The following CREB3L2 variants were observed in gnomAD, a reference collection of about 807,000 sequenced individuals.
CREB3L2 encodes the protein cAMP responsive element binding protein 3 like 2.
Under a neutral mutation model 57.2 loss-of-function variants are expected in CREB3L2, and 23 were observed. The ratio of observed to expected loss-of-function variants is 0.40; its 90% CI spans 0.29 to 0.57. The LOEUF (loss-of-function observed/expected upper bound fraction) is 0.57. CREB3L2 is among the 20% of genes least tolerant of loss of function. The probability of loss-of-function intolerance (pLI) is 0.42; values close to 1 mark genes in which losing one functional copy is unlikely to be tolerated. For synonymous variants in CREB3L2, 268 were observed against 265.1 expected, an observed-to-expected ratio of 1.01 and a Z score of -0.11; for missense variants, 628 against 634.7, an observed-to-expected ratio of 0.99 and a Z score of 0.11.
intron 1 of CREB3L2, chr7:137,956,556 A>G: frequency 7.9e-7 from 1 of 1,262,924 alleles, no homozygotes; most frequent in Non-Finnish European, 1.0e-6. Flanking sequence ...TCAAACTGCC[A>G]TTGCACTCTC....
intron 1 of CREB3L2, among the ~76,000 whole-genome samples, chr7:137,939,414 G>C (rs894486925): frequency 6.6e-6 from 1 of 152,106 alleles, no homozygotes; most frequent in Non-Finnish European, 1.5e-5. Context: ...AATGCTTTTT[G>C]AATTGTAACT....
chr7:137,906,266 G>A (rs1201241900), intron 5 of CREB3L2, among the ~76,000 whole-genome samples: 1 of 152,054 alleles, frequency 6.6e-6, no homozygotes, highest in Non-Finnish European at 1.5e-5. Flanking sequence ...AGTTTTATAA[G>A]GTGCTCTCTA....
intron 4 of CREB3L2, among the ~76,000 whole-genome samples, chr7:137,910,294 A>G (rs1214836903): frequency 1.3e-5 from 2 of 151,432 alleles, no homozygotes; most frequent in Non-Finnish European, 2.9e-5. Flanking sequence ...TTTCTGCCAC[A>G]TACAGCTTTT....
intron 2 of CREB3L2, among the ~76,000 whole-genome samples, chr7:137,917,171 C>T (rs919142175): frequency 6.6e-6 from 1 of 152,164 alleles, no homozygotes; most frequent in Admixed American, 6.5e-5. Flanking sequence ...TATCACCAGG[C>T]CTGGAGATAG....
intron 1 of CREB3L2, among the ~76,000 whole-genome samples, chr7:137,942,189 C>T (rs1278522846): frequency 6.6e-6 from 1 of 152,210 alleles, no homozygotes; most frequent in African/African-American, 2.4e-5. Context: ...TTTAGGCAAA[C>T]TTCTCATTCA....
chr7:137,989,377 T>C (rs1006715104), intron 1 of CREB3L2, among the ~76,000 whole-genome samples: 1 of 151,340 alleles, frequency 6.6e-6, no homozygotes, highest in African/African-American at 2.4e-5. Flanking sequence ...GACCACTCTG[T>C]AGCGACTCTC....
intron 1 of CREB3L2, among the ~76,000 whole-genome samples, chr7:137,949,728 C>T (rs1230028756): frequency 6.6e-6 from 1 of 152,168 alleles, no homozygotes; most frequent in Non-Finnish European, 1.5e-5. Context: ...GTGTTTCTCA[C>T]ACCAGGGAAA....
intron 2 of CREB3L2, among the ~76,000 whole-genome samples, chr7:137,927,713 G>T (rs143135358): frequency 7.2e-5 from 11 of 151,932 alleles, no homozygotes; most frequent in Non-Finnish European, 1.6e-4. Flanking sequence ...GGGGGACATG[G>T]GGTCAATAGA....
rs573871783 is a variant in CREB3L2 at position 137,927,404 on chromosome 7, A to AGGG, written c.319+745_319+746insCCC. ...AAGGAAGGGAGGGAAGGAGGGAAGG[A>AGGG]AGGGAAGGGAAGGGAAGCAAGGGAG... On this transcript the variant is annotated intron_variant, in intron 2 of 11. Coordinates refer to ENST00000330387, the MANE Select transcript of CREB3L2 (RefSeq NM_194071.4). 4.4e-3 allele frequency among the ~76,000 whole-genome samples: 542 copies of AGGG among 124,580 alleles called. 6 individuals carry two copies. Among genetic ancestry groups the AGGG allele is most frequent in the African/African-American group, 0.021 (501 of 24,258 alleles). 81.7% of individuals were successfully genotyped at this position (124,580 alleles called of 152,430 possible).
intron 10 of CREB3L2, chr7:137,884,267 G>A (rs1393638269): frequency 1.0e-5 from 1 of 95,320 alleles, no homozygotes; most frequent in East Asian, 3.1e-4. Flanking sequence ...TTTTTTTTTT[G>A]ATGGAGTCTC....
rs115655218 is a variant in CREB3L2, at chr7:137,916,012, T to G, written c.320A>C (p.Asp107Ala). Residue 107 changes from aspartate (D) to alanine (A), a missense_variant and splice_region_variant, in exon 3 of 12, where the codon GAT becomes GCT. By Grantham distance (126) the Asp-to-Ala change is moderately radical (BLOSUM62 -2). This residue lies in a region of CREB3L2 where 339 missense variants were observed against 355.4 expected (regional missense o/e 0.95). Transcript: ENST00000330387. ...GTACCATTTCTCACTTTCCACCTCA[T>G]CTGCAGGAAAAAAGACAAGCACACA... ...HITTSDSFNDDEVESEKWYLS... is the reference protein window; with the variant it reads ...HITTSDSFNDAEVESEKWYLS... 1 of 1,609,764 alleles carries G rather than the reference T, an allele frequency of 6.2e-7. No individual in the cohort carries two copies.
intron 8 of CREB3L2, among the ~76,000 whole-genome samples, chr7:137,899,096 AGAAGGAAGGAAG>A (rs200596273): frequency 0.14 from 11,580 of 83,774 alleles, 1,200 homozygotes; most frequent in Non-Finnish European, 0.16. Flanking sequence ...AAAAGGAAAG[AGAAGGAAGGAAG>A]GAAGGAAGGA....
intron 5 of CREB3L2, 79 bp downstream of exon 5, chr7:137,908,173 G>A: frequency 9.9e-7 from 1 of 1,006,754 alleles, no homozygotes; most frequent in Non-Finnish European, 1.3e-6. Context: ...AGCCTTGAGT[G>A]GTCCTGCTCT....
At chr7:137,916,095 C>A in intron 2 of CREB3L2, 83 bp from the exon 3 acceptor site, 1 of 1,104,876 alleles carries the variant, frequency 9.1e-7, no homozygotes, top group Non-Finnish European at 1.3e-6. Flanking sequence ...AGTCTTTCTC[C>A]CCAAAAAAGC....
intron 3 of CREB3L2, among the ~76,000 whole-genome samples, chr7:137,914,347 A>G (rs1351198226): frequency 1.3e-5 from 2 of 152,034 alleles, no homozygotes; most frequent in African/African-American, 2.4e-5. Context: ...CAATAATTCA[A>G]CTAGGCCGGG....
At chr7:137,920,538 G>A (rs1326326776) in intron 2 of CREB3L2, among the ~76,000 whole-genome samples, 7 of 152,204 alleles carry the variant, frequency 4.6e-5, no homozygotes, top group Admixed American at 1.3e-4. Flanking sequence ...CTGAGTTTGG[G>A]GGTGGTTTGT....
chr7:137,913,192 G>C, intron 3 of CREB3L2, 114 bp from the exon 4 acceptor site: 2 of 1,066,078 alleles, frequency 1.9e-6, no homozygotes, highest in Non-Finnish European at 2.7e-6. Flanking sequence ...TGCCTATCCT[G>C]GAGAATAGCT....
intron 2 of CREB3L2, among the ~76,000 whole-genome samples, chr7:137,920,918 AT>A (rs1800261302): frequency 6.6e-6 from 1 of 152,240 alleles, no homozygotes; most frequent in Non-Finnish European, 1.5e-5. Context: ...GACAAATGTA[AT>A]CTATGAAGTG....
At chr7:137,947,635 G>T (rs1396970344) in intron 1 of CREB3L2, among the ~76,000 whole-genome samples, 1 of 152,174 alleles carries the variant, frequency 6.6e-6, no homozygotes, top group Non-Finnish European at 1.5e-5. Context: ...CCAGATCACA[G>T]GTTAGTTGTT....
Sources: gnomAD v4.1 joint callset for allele counts (sites outside exome capture counted in the v4.1 genomes callset) on GRCh38, gnomAD v4.1.1 for gene constraint, gnomAD v4.1.1 regional missense constraint, MANE v1.5 for transcripts, NCBI Gene and HGNC (gene_info 2026-07-23, HGNC 2026-07-21) for gene names.